The following BAZ2B variants were observed in gnomAD, a reference collection of about 807,000 sequenced individuals.
BAZ2B encodes the protein bromodomain adjacent to zinc finger domain protein 2B.
Under a neutral mutation model 246.0 loss-of-function variants are expected in BAZ2B, and 91 were observed. That is an observed-to-expected ratio of 0.37 (90% CI 0.31 to 0.44). The LOEUF (loss-of-function observed/expected upper bound fraction) is 0.44, where lower values mean the gene tolerates loss of function less well. Among genes scored for constraint, BAZ2B ranks in the 20% least tolerant of loss-of-function variants. The pLI, the probability that BAZ2B is intolerant of heterozygous loss-of-function variation, is 1.00. For missense variants in BAZ2B, 2,332 were observed against 2,533.7 expected, an observed-to-expected ratio of 0.92 and a Z score of 1.71; for synonymous variants, 855 against 860.0, an observed-to-expected ratio of 0.99 and a Z score of 0.10.
intron 21 of BAZ2B, among the ~76,000 whole-genome samples, chr2:159,389,120 ACC>A (rs1559220488): frequency 4.0e-5 from 6 of 151,124 alleles, no homozygotes; most frequent in African/African-American, 1.5e-4. Context: ...CAACCAACCA[ACC>A]AACCAAACAA....
the BAZ2B span, among the ~76,000 whole-genome samples, chr2:159,652,490 G>A: frequency 2.0e-5 from 3 of 151,950 alleles, no homozygotes; most frequent in Admixed American, 6.6e-5. Flanking sequence ...GATTACAGGC[G>A]TGAGCCACCG....
intron 2 of BAZ2B, among the ~76,000 whole-genome samples, chr2:159,552,897 G>A (rs552909170): frequency 6.6e-6 from 1 of 152,216 alleles, no homozygotes; most frequent in East Asian, 1.9e-4. Context: ...AAAACCTCAG[G>A]GAGATGATTA....
the BAZ2B span, among the ~76,000 whole-genome samples, chr2:159,666,403 G>A: frequency 1.3e-5 from 2 of 151,870 alleles, no homozygotes; most frequent in African/African-American, 4.8e-5. Flanking sequence ...GGGACTACAG[G>A]CGCACACCAC....
At chr2:159,627,857 T>C in the BAZ2B span, among the ~76,000 whole-genome samples, 57,643 of 152,056 alleles carry the variant, frequency 0.38, 13,143 homozygotes, top group Middle Eastern at 0.6. Context: ...GGTATTCAAA[T>C]AGGAAAAGAG....
At chr2:159,346,560 T>G (rs2067853078) in intron 31 of BAZ2B, among the ~76,000 whole-genome samples, 1 of 151,730 alleles carries the variant, frequency 6.6e-6, no homozygotes, top group Admixed American at 6.6e-5. Context: ...CAAAAATTAG[T>G]GGGGCATCAC....
chr2:159,639,580 A>G, the BAZ2B span, among the ~76,000 whole-genome samples: 16 of 152,268 alleles, frequency 1.1e-4, no homozygotes, highest in Non-Finnish European at 2.1e-4. Context: ...TTTCTCTCTC[A>G]TATTTGTTTG....
intron 2 of BAZ2B, among the ~76,000 whole-genome samples, chr2:159,554,912 A>G (rs1170549414): frequency 1.3e-5 from 2 of 152,116 alleles, no homozygotes; most frequent in Non-Finnish European, 2.9e-5. Flanking sequence ...AAATAAAATT[A>G]AAAAGTATCA....
At chr2:159,711,577 C>T in the BAZ2B span, among the ~76,000 whole-genome samples, 4 of 152,070 alleles carry the variant, frequency 2.6e-5, no homozygotes, top group Non-Finnish European at 5.9e-5. Context: ...AAATCAAGTG[C>T]CTTTCAGTAT....
At chr2:159,459,909 T>A (rs2076207164) in intron 3 of BAZ2B, 1 of 152,132 alleles carries the variant, frequency 6.6e-6, no homozygotes, top group Non-Finnish European at 1.5e-5. Flanking sequence ...GCTGATGAAT[T>A]ATACCATAAA....
intron 26 of BAZ2B, among the ~76,000 whole-genome samples, chr2:159,373,818 T>A (rs2061112098): frequency 6.6e-6 from 1 of 152,166 alleles, no homozygotes; most frequent in Non-Finnish European, 1.5e-5. Context: ...AGCAAGACTC[T>A]GTTTCAAAAA....
rs554557099 is a variant in BAZ2B, at chr2:159,425,049, G to A, written c.2466+2892C>T. On this transcript the variant is annotated intron_variant, in intron 13 of 36. Transcript: ENST00000392783. The stretch of plus-strand genomic sequence containing the variant: ...TCAAACATCACAATAGATACATGAA[G>A]CTTGGAAAACTGTAGTGGCAACATT... Among the ~76,000 whole-genome samples the A allele has an allele frequency of 2.0e-5, 3 of 152,226 alleles. No individual in the cohort carries two copies. The South Asian group carries it at 6.2e-4, about 32-fold the overall frequency.
chr2:159,573,964 G>C (rs546025486), intron 1 of BAZ2B, among the ~76,000 whole-genome samples: 1 of 152,206 alleles, frequency 6.6e-6, no homozygotes, highest in South Asian at 2.1e-4. Context: ...GGCTGGGTGT[G>C]TTGGCATGTG....
chr2:159,584,427 G>A (rs909491779), intron 1 of BAZ2B, among the ~76,000 whole-genome samples: 1 of 152,126 alleles, frequency 6.6e-6, no homozygotes. Context: ...GCCTGATTTA[G>A]GTTTTAAGAG....
chr2:159,689,841 A>G, the BAZ2B span: 2 of 489,050 alleles, frequency 4.1e-6, no homozygotes, highest in East Asian at 4.1e-5. Context: ...CAGATTTGGC[A>G]GAATTGCTGG....
intron 2 of BAZ2B, among the ~76,000 whole-genome samples, chr2:159,492,200 A>G (rs1272526475): frequency 2.0e-5 from 3 of 152,086 alleles, no homozygotes; most frequent in Non-Finnish European, 1.5e-5. Context: ...TCTCCTTAAC[A>G]TGTTCTTCAT....
chr2:159,671,486 AAT>A, the BAZ2B span, among the ~76,000 whole-genome samples: 27 of 152,306 alleles, frequency 1.8e-4, no homozygotes, highest in African/African-American at 6.3e-4. Context: ...AATGAGTTTA[AAT>A]ATAAATATCT....
At chr2:159,556,379 TG>T (rs2089131252) in intron 1 of BAZ2B, among the ~76,000 whole-genome samples, 1 of 143,228 alleles carries the variant, frequency 7.0e-6, no homozygotes, top group African/African-American at 3.0e-5. Flanking sequence ...AAAATATCAC[TG>T]GGAAGAATTT....
the BAZ2B span, among the ~76,000 whole-genome samples, chr2:159,702,958 G>A: frequency 6.6e-6 from 1 of 151,972 alleles, no homozygotes; most frequent in Non-Finnish European, 1.5e-5. Context: ...GCAGGAGAAT[G>A]CCATGAACCC....
intron 2 of BAZ2B, among the ~76,000 whole-genome samples, chr2:159,481,517 T>C (rs1694739678): frequency 1.3e-5 from 2 of 151,754 alleles, no homozygotes; most frequent in Admixed American, 1.3e-4. Flanking sequence ...AACAGGATAT[T>C]TGCATAGTCT....
Sources: gnomAD v4.1 joint callset for allele counts (sites outside exome capture counted in the v4.1 genomes callset) on GRCh38, gnomAD v4.1.1 for gene constraint, MANE v1.5 for transcripts, NCBI Gene and HGNC (gene_info 2026-07-23, HGNC 2026-07-21) for gene names.